Variants in HOMER2 observed in about 807,000 individuals in gnomAD.
The protein encoded by HOMER2 is homer scaffold protein 2, also known as homer protein homolog 2.
Under a neutral mutation model 47.0 loss-of-function variants are expected in HOMER2, and 27 were observed. The observed-to-expected ratio is 0.57, with a 90% CI of 0.42 to 0.79. The LOEUF (loss-of-function observed/expected upper bound fraction) is 0.79, where lower values mean the gene tolerates loss of function less well. Among genes scored for constraint, HOMER2 ranks in the 30% least tolerant of loss-of-function variants. The pLI, the probability that HOMER2 is intolerant of heterozygous loss-of-function variation, is 0.00. For missense variants in HOMER2, 443 were observed against 435.0 expected (o/e 1.02, Z -0.16); for synonymous variants, 161 against 163.8 (o/e 0.98, Z 0.13).
exon 2 of HOMER2, chr15:82,843,102 C>T (rs2051192825): frequency 6.6e-6 from 1 of 152,002 alleles, no homozygotes; most frequent in East Asian, 1.9e-4. Flanking sequence ...AATAAAAGTA[C>T]AAGAATAAGA....
chr15:82,876,296 G>A (rs2052347612), intron 2 of HOMER2, among the ~76,000 whole-genome samples: 1 of 152,058 alleles, frequency 6.6e-6, no homozygotes. Context: ...GAGGTGGAAG[G>A]GTAAGAAGAT....
At chr15:82,949,583 T>C (rs892755130) in intron 1 of HOMER2, among the ~76,000 whole-genome samples, 2 of 152,072 alleles carry the variant, frequency 1.3e-5, no homozygotes, top group African/African-American at 2.4e-5. Flanking sequence ...AGTGAACAAA[T>C]GGCAGGAGAA....
At chr15:82,962,997 C>T (rs997927152) in intron 1 of HOMER2, among the ~76,000 whole-genome samples, 2 of 152,044 alleles carry the variant, frequency 1.3e-5, no homozygotes, top group African/African-American at 4.8e-5. Flanking sequence ...GAGGCCTTGC[C>T]GGCTGGGCAC....
intron 1 of HOMER2, chr15:82,898,546 T>C (rs910126248): frequency 6.6e-6 from 1 of 152,250 alleles, no homozygotes; most frequent in Non-Finnish European, 1.5e-5. Context: ...CTACCGTTCC[T>C]TGCATAGTCT....
chr15:82,909,700 A>G (rs528253882), intron 1 of HOMER2, among the ~76,000 whole-genome samples: 1 of 152,336 alleles, frequency 6.6e-6, no homozygotes, highest in South Asian at 2.1e-4. Flanking sequence ...GAACATACTG[A>G]CATATTGGCT....
chr15:82,943,648 G>C (rs1202839890), intron 1 of HOMER2, among the ~76,000 whole-genome samples: 2 of 152,174 alleles, frequency 1.3e-5, no homozygotes, highest in Non-Finnish European at 2.9e-5. Context: ...CAGGCAGTGG[G>C]GTCTGCAATA....
intron 1 of HOMER2, among the ~76,000 whole-genome samples, chr15:82,901,063 A>G (rs1042080714): frequency 6.6e-6 from 1 of 152,142 alleles, no homozygotes; most frequent in East Asian, 1.9e-4. Context: ...AGCTTTGAAC[A>G]TACATTCTCC....
chr15:82,893,795 C>T (rs1362044521), intron 1 of HOMER2, among the ~76,000 whole-genome samples: 2 of 151,654 alleles, frequency 1.3e-5, no homozygotes, highest in Non-Finnish European at 2.9e-5. Flanking sequence ...CTAATGTTGC[C>T]GGGAGGTGGT....
exon 2 of HOMER2, chr15:82,838,905 T>A (rs1401852569): frequency 6.6e-6 from 1 of 152,228 alleles, no homozygotes; most frequent in African/African-American, 2.4e-5. Context: ...GAAAAGCCGG[T>A]TCTGTGTTTG....
downstream of HOMER2, chr15:82,848,859 G>C (rs1429499162): frequency 6.6e-6 from 1 of 152,338 alleles, no homozygotes; most frequent in Non-Finnish European, 1.5e-5. Flanking sequence ...GCCCCAGCTT[G>C]GGTTTGACCA....
intron 3 of HOMER2, among the ~76,000 whole-genome samples, chr15:82,868,582 T>C (rs903065344): frequency 1.4e-5 from 2 of 139,342 alleles, no homozygotes; most frequent in African/African-American, 2.7e-5. Context: ...TGAATCTTAC[T>C]GTATCTCCCA....
chr15:82,983,013 T>C (rs1192622350), intron 1 of HOMER2, among the ~76,000 whole-genome samples: 2 of 152,210 alleles, frequency 1.3e-5, no homozygotes, highest in Non-Finnish European at 2.9e-5. Flanking sequence ...CCATCACAAG[T>C]TGAAAACATC....
intron 1 of HOMER2, among the ~76,000 whole-genome samples, chr15:82,977,118 G>T (rs2030234066): frequency 6.6e-6 from 1 of 151,980 alleles, no homozygotes; most frequent in South Asian, 2.1e-4. Context: ...TTACATAAAT[G>T]ATCTTACTTT....
chr15:82,927,790 G>A (rs956911609), intron 1 of HOMER2, among the ~76,000 whole-genome samples: 9 of 151,990 alleles, frequency 5.9e-5, no homozygotes, highest in African/African-American at 2.2e-4. Flanking sequence ...AACCAACATG[G>A]TAAAACCCCA....
At chr15:82,981,772 T>G (rs1031302720) in intron 1 of HOMER2, among the ~76,000 whole-genome samples, 4 of 152,198 alleles carry the variant, frequency 2.6e-5, no homozygotes, top group African/African-American at 9.7e-5. Flanking sequence ...ATATAATGTA[T>G]TTCACTTGCA....
At position 82,902,438 on chromosome 15, in the gene HOMER2, C is replaced by T. The variant is rs1009248565; in HGVS notation, c.6-9597G>A. Among the ~76,000 whole-genome samples, 16 of 152,050 alleles carry T rather than the reference C, an allele frequency of 1.1e-4. 1 individual carries two copies. Among genetic ancestry groups the T allele is most frequent in the Admixed American group, 8.5e-4 (13 of 15,264 alleles). On this transcript the variant is annotated intron_variant, in intron 1 of 8. Transcript: ENST00000450735. The stretch of plus-strand genomic sequence containing the variant: ...GTTTCAAACTCCTGACCTTGTGATC[C>T]GCCCACCTCAGCCTCCCAAAGTGCT...
At chr15:82,859,239 A>G in intron 4 of HOMER2, 104 bp from the exon 5 acceptor site, 2 of 1,567,162 alleles carry the variant, frequency 1.3e-6, no homozygotes, top group South Asian at 2.3e-5. Context: ...GCATAATAAG[A>G]AACTTTACGA....
intron 3 of HOMER2, among the ~76,000 whole-genome samples, chr15:82,871,006 TCCTC>T (rs1003870313): frequency 6.6e-6 from 1 of 152,262 alleles, no homozygotes; most frequent in Non-Finnish European, 1.5e-5. Flanking sequence ...TTATATTTGT[TCCTC>T]CTTCTGTCTC....
chr15:82,849,945 C>A (rs370864717), intron 8 of HOMER2, 42 bp from the exon 9 acceptor site: 4 of 1,587,398 alleles, frequency 2.5e-6, no homozygotes, highest in Non-Finnish European at 3.4e-6. Context: ...AACTGAGTGA[C>A]GAGAGTCATC....
Sources: allele counts gnomAD v4.1 joint callset (sites outside exome capture counted in the v4.1 genomes callset), GRCh38; gene constraint gnomAD v4.1.1; transcripts MANE v1.5; gene names NCBI Gene and HGNC (gene_info 2026-07-23, HGNC 2026-07-21).